Variants in MGST1 observed in about 807,000 individuals in gnomAD.
The protein encoded by MGST1 is microsomal glutathione S-transferase 1, also known as glutathione S-transferase 12.
In MGST1, 5 loss-of-function variants were observed where a neutral mutation model predicts 8.9. That is an observed-to-expected ratio of 0.56 (90% CI 0.29 to 1.19). The LOEUF is 1.19. Ranked by LOEUF, MGST1 falls within the 50% of genes most tolerant of loss-of-function variation. The pLI, the probability that MGST1 is intolerant of heterozygous loss-of-function variation, is 0.08. For missense variants in MGST1, 182 were observed against 187.4 expected, an observed-to-expected ratio of 0.97 and a Z score of 0.17; for synonymous variants, 54 against 67.8, an observed-to-expected ratio of 0.80 and a Z score of 1.00.
chr12:16,490,778 T>C (rs1941433481), intron 4 of MGST1, among the ~76,000 whole-genome samples: 2 of 152,274 alleles, frequency 1.3e-5, no homozygotes, highest in South Asian at 4.1e-4. Flanking sequence ...CACCTGAGCA[T>C]GGTTAATTAA....
chr12:16,500,075 A>C lies in MGST1; in HGVS notation n.483-89453A>C, dbSNP rs1941495762. 6.6e-6 allele frequency among the ~76,000 whole-genome samples: 1 copy of C among 152,174 alleles called. No individual in the cohort carries two copies. The highest frequency in any genetic ancestry group is 2.4e-5 in the African/African-American group (1 of 41,452). ...GGGGATAGTTTCATAAGTATGTTTA[A>C]ACTTTAGATATTTGTCAACAATTAA... On this transcript the variant is annotated intron_variant and non_coding_transcript_variant, in intron 4 of 4. Transcript: ENST00000538857. This position sits in a 1 kb window ranked among gnomAD's most constrained non-coding sequence, Gnocchi z 4.3.
At chr12:16,540,626 A>T (rs1392218294) in intron 4 of MGST1, among the ~76,000 whole-genome samples, 1 of 152,202 alleles carries the variant, frequency 6.6e-6, no homozygotes. Flanking sequence ...GAAGGTTGTT[A>T]TAAAATAAAA....
At chr12:16,534,548 G>A (rs190904276) in intron 4 of MGST1, among the ~76,000 whole-genome samples, 2 of 152,314 alleles carry the variant, frequency 1.3e-5, no homozygotes, top group African/African-American at 2.4e-5. Flanking sequence ...CTTATGTATT[G>A]TGTGTAGCAG....
At chr12:16,422,795 TCA>T (rs1940849932) in intron 1 of MGST1, among the ~76,000 whole-genome samples, 1 of 152,164 alleles carries the variant, frequency 6.6e-6, no homozygotes. Context: ...ATCCAATCCC[TCA>T]CAAATTATGA....
At position 16,548,803 on chromosome 12, in the gene MGST1, G is replaced by A. The variant is rs940135034; in HGVS notation, n.483-40725G>A. 3.9e-5 allele frequency: 6 copies of A among 152,014 alleles called. No individual in the cohort carries two copies. Among genetic ancestry groups the A allele is most frequent in the African/African-American group, 1.4e-4 (6 of 41,388 alleles). The allele number at this position is 152,014 out of a possible 1,614,324, so 9.4% of individuals were successfully genotyped here. On this transcript the variant is annotated intron_variant and non_coding_transcript_variant, in intron 4 of 4. Coordinates refer to the MGST1 transcript ENST00000538857. The surrounding 1 kb of genome is among the most constrained non-coding windows in gnomAD (Gnocchi z 4.2). Reference sequence around the variant, plus strand: ...AAACACTATTCTTGTCTTATTTCACGATTTCATGGAGATTAAAGATAATCT... The same window carrying A: ...AAACACTATTCTTGTCTTATTTCACAATTTCATGGAGATTAAAGATAATCT...
chr12:16,355,112 T>G (rs559877025), intron 2 of MGST1, among the ~76,000 whole-genome samples: 1 of 152,248 alleles, frequency 6.6e-6, no homozygotes, highest in South Asian at 2.1e-4. Flanking sequence ...GGAGACCATC[T>G]GTTTCTCTCT....
At chr12:16,522,040 G>A (rs1434990707) in intron 4 of MGST1, among the ~76,000 whole-genome samples, 1 of 152,056 alleles carries the variant, frequency 6.6e-6, no homozygotes, top group Non-Finnish European at 1.5e-5. Flanking sequence ...GTAAAGTATT[G>A]ATCGCAATTT....
At chr12:16,572,182 A>G (rs1043800464) in intron 4 of MGST1, among the ~76,000 whole-genome samples, 1 of 151,894 alleles carries the variant, frequency 6.6e-6, no homozygotes, top group Non-Finnish European at 1.5e-5. Flanking sequence ...ACAACTCTCA[A>G]TCCAGTATTA....
chr12:16,496,174 A>G (rs1186472678), intron 4 of MGST1, among the ~76,000 whole-genome samples: 1 of 152,000 alleles, frequency 6.6e-6, no homozygotes, highest in Non-Finnish European at 1.5e-5. Context: ...ATTCTCAGAG[A>G]GGTGTGTAAG....
At chr12:16,572,490 T>G (rs969799619) in intron 4 of MGST1, among the ~76,000 whole-genome samples, 1 of 150,150 alleles carries the variant, frequency 6.7e-6, no homozygotes, top group Admixed American at 6.6e-5. Context: ...GACTTATTAT[T>G]TGAAGTACTT....
rs923407635 is a variant in MGST1, at chr12:16,401,281, A to C, written n.778+17677A>C. ...CTTGTTAGTCAGGTCTGAGAATCCCAAACTGATGCTGAAAACCATTCCTGT... is the reference window on the plus strand; with the variant it reads ...CTTGTTAGTCAGGTCTGAGAATCCCCAACTGATGCTGAAAACCATTCCTGT... On this transcript the variant is annotated intron_variant and non_coding_transcript_variant, in intron 1 of 1. Coordinates refer to the MGST1 transcript ENST00000359720. The surrounding 1 kb of genome is among the most constrained non-coding windows in gnomAD (Gnocchi z 4.3). The C allele has an allele frequency of 5.8e-6, 9 of 1,544,976 alleles. No homozygotes were observed. The African/African-American group carries it at 1.2e-4, about 21-fold the overall frequency.
At chr12:16,467,320 A>G (rs943827209) in intron 4 of MGST1, among the ~76,000 whole-genome samples, 1 of 152,246 alleles carries the variant, frequency 6.6e-6, no homozygotes, top group Middle Eastern at 3.2e-3. Flanking sequence ...AAAATATGCT[A>G]TTCCATGCCA....
At chr12:16,489,970 C>T (rs943374354) in intron 4 of MGST1, among the ~76,000 whole-genome samples, 4 of 152,044 alleles carry the variant, frequency 2.6e-5, no homozygotes, top group Non-Finnish European at 5.9e-5. Context: ...TATGTCTACA[C>T]AAAAACTTTA....
intron 1 of MGST1, among the ~76,000 whole-genome samples, chr12:16,398,063 GT>G (rs535355240): frequency 1.4e-5 from 2 of 146,788 alleles, no homozygotes; most frequent in South Asian, 2.2e-4. Flanking sequence ...TTCTTATAGA[GT>G]TTTTTTTCCA....
rs1015570798 is a variant in MGST1 at position 16,548,295 on chromosome 12, C to A, written n.483-41233C>A. The stretch of plus-strand genomic sequence containing the variant: ...TTTAGAAAGTAAATGTCCTTACACA[C>A]CTTTTTTTTCTTTTCATGGACTTAA... On this transcript the variant is annotated intron_variant and non_coding_transcript_variant, in intron 4 of 4. Coordinates refer to the MGST1 transcript ENST00000538857. This position sits in a 1 kb window ranked among gnomAD's most constrained non-coding sequence, Gnocchi z 4.2. 6.6e-6 allele frequency: 1 copy of A among 150,848 alleles called. No homozygotes were observed. The highest frequency in any genetic ancestry group is 1.5e-5 in the Non-Finnish European group (1 of 67,604). The allele number at this position is 150,848 out of a possible 1,614,324, so 9.3% of individuals were successfully genotyped here. A position where few individuals can be genotyped will look rare whatever the true frequency, so the allele number is the denominator to read the frequency against.
intron 4 of MGST1, among the ~76,000 whole-genome samples, chr12:16,501,449 T>C (rs1941505992): frequency 6.6e-6 from 1 of 152,202 alleles, no homozygotes; most frequent in Non-Finnish European, 1.5e-5. Context: ...TAATGCAACA[T>C]GTTCTCCTTT....
chr12:16,542,292 AAAAG>A (rs1318900431), intron 4 of MGST1, among the ~76,000 whole-genome samples: 1 of 152,226 alleles, frequency 6.6e-6, no homozygotes, highest in Admixed American at 6.5e-5. Context: ...TAGTAAGAAT[AAAAG>A]AAAGAAAATA....
intron 4 of MGST1, among the ~76,000 whole-genome samples, chr12:16,528,236 T>A (rs2137197424): frequency 6.6e-6 from 1 of 152,184 alleles, no homozygotes; most frequent in Middle Eastern, 3.4e-3. Flanking sequence ...CTGCATTGCC[T>A]GGTTCAGTGC....
At position 16,401,512 on chromosome 12, in the gene MGST1, A is replaced by G. The variant is rs1437141125; in HGVS notation, n.778+17908A>G. On this transcript the variant is annotated intron_variant and non_coding_transcript_variant, in intron 1 of 1. Transcript: ENST00000359720. The surrounding 1 kb of genome is among the most constrained non-coding windows in gnomAD (Gnocchi z 4.3). ...CAGCTCTTCTTGAAGCTGGAGTAAA[A>G]AGTTGTAATTTTCTTGAACTTCCTG... 3.3e-6 allele frequency: 3 copies of G among 899,802 alleles called. No homozygotes were observed. Among genetic ancestry groups the G allele is most frequent in the Non-Finnish European group, 5.5e-6 (3 of 542,210 alleles). The allele number at this position is 899,802 out of a possible 1,614,324, so 55.7% of individuals were successfully genotyped here.
Sources: gnomAD v4.1 joint callset for allele counts (sites outside exome capture counted in the v4.1 genomes callset) on GRCh38, gnomAD v4.1.1 for gene constraint, Gnocchi (gnomAD v3.1) non-coding constraint, MANE v1.5 for transcripts, NCBI Gene and HGNC (gene_info 2026-07-23, HGNC 2026-07-21) for gene names.